The following PTCHD4 variants were observed in gnomAD, a reference collection of about 807,000 sequenced individuals.
PTCHD4 encodes patched domain-containing protein 4.
In PTCHD4, 33 loss-of-function variants were observed where a neutral mutation model predicts 58.1. That is an observed-to-expected ratio of 0.57 (90% CI 0.43 to 0.76). The LOEUF (loss-of-function observed/expected upper bound fraction) is 0.76, where lower values mean the gene tolerates loss of function less well. PTCHD4 is among the 30% of genes least tolerant of loss of function. The pLI is 0.00. For synonymous variants in PTCHD4, 478 were observed against 409.6 expected (o/e 1.17, Z -2.02); for missense variants, 1,058 against 1,027.1 (o/e 1.03, Z -0.41).
Position 47,999,632 on chromosome 6 carries a change from C to T in PTCHD4, c.898+9002G>A, listed in dbSNP as rs191637591. ...CGCTTTGGGAAATAGACGTGCACAA[C>T]GCAGAGGTCAGAAGAGCTATGTCTT... On this transcript the variant is annotated intron_variant, in intron 4 of 4. Coordinates refer to ENST00000339488, the MANE Select transcript of PTCHD4 (RefSeq NM_001384253.1). Among the ~76,000 whole-genome samples the T allele has an allele frequency of 3.9e-3, 592 of 152,248 alleles. 2 individuals are homozygous for T. Among genetic ancestry groups the T allele is most frequent in the Non-Finnish European group, 5.1e-3 (346 of 68,010 alleles).
Position 47,999,362 on chromosome 6 carries a change from A to G in PTCHD4, c.898+9272T>C, listed in dbSNP as rs930359101. The stretch of plus-strand genomic sequence containing the variant: ...TGACTGTCACCAAAGTAGCATGACT[A>G]CAACTGATATGGTTAAGAAATAGCT... On this transcript the variant is annotated intron_variant, in intron 4 of 4. Transcript: ENST00000339488. 5.9e-5 allele frequency among the ~76,000 whole-genome samples: 9 copies of G among 152,172 alleles called. 1 individual carries two copies. Among genetic ancestry groups the G allele is most frequent in the Non-Finnish European group, 1.0e-4 (7 of 68,036 alleles).
chr6:47,967,166 A>G (rs1290786941), intron 4 of PTCHD4, among the ~76,000 whole-genome samples: 2 of 152,230 alleles, frequency 1.3e-5, no homozygotes, highest in East Asian at 3.8e-4. Context: ...TGGGTTCAGA[A>G]TAGATATTGT....
chr6:47,882,676 A>T (rs1581821224), intron 4 of PTCHD4, among the ~76,000 whole-genome samples: 1 of 141,168 alleles, frequency 7.1e-6, no homozygotes, highest in South Asian at 2.2e-4. Context: ...AATTCTATTC[A>T]TTGGTCTGTT....
chr6:47,987,779 ATTTTT>A (rs111389891), intron 4 of PTCHD4, among the ~76,000 whole-genome samples: 1 of 142,654 alleles, frequency 7.0e-6, no homozygotes, highest in African/African-American at 2.6e-5. Context: ...GTCACATAAC[ATTTTT>A]TTTTTTTTTT....
At chr6:48,027,542 G>A (rs553633460) in intron 3 of PTCHD4, among the ~76,000 whole-genome samples, 4 of 152,148 alleles carry the variant, frequency 2.6e-5, no homozygotes, top group African/African-American at 9.6e-5. Flanking sequence ...TTGTTAACTT[G>A]CAACTTTAGA....
At chr6:48,044,254 T>C (rs116202237) in intron 3 of PTCHD4, among the ~76,000 whole-genome samples, 1,862 of 151,994 alleles carry the variant, frequency 0.012, 29 homozygotes, top group African/African-American at 0.041. Context: ...CATGAGGGTA[T>C]TCTGCTGTTA....
chr6:48,068,614 G>T lies in PTCHD4; in HGVS notation c.33C>A (p.Ile11=). 2 of 1,570,260 alleles carry T rather than the reference G, an allele frequency of 1.3e-6. No homozygotes were observed. The highest frequency in any genetic ancestry group is 2.3e-5 in the South Asian group (2 of 86,918). The part of the protein sequence containing the change: MRRPGAPASW[I]WWRMLRQVLR... ...GCACCTGCCGCAGCATCCTCCACCA[G>T]ATCCAGCTCGCAGGCGCTCCCGGCC... is the stretch of plus-strand genomic sequence containing the variant. The change falls in exon 3 of 5, where the codon ATC becomes ATA. Residue 11 remains isoleucine (I), a synonymous_variant. Coordinates refer to ENST00000339488, the MANE Select transcript of PTCHD4 (RefSeq NM_001384253.1). The surrounding 1 kb of genome is among the most constrained non-coding windows in gnomAD (Gnocchi z 4.2).
At chr6:48,007,883 C>T (rs541914754) in intron 4 of PTCHD4, among the ~76,000 whole-genome samples, 15 of 152,176 alleles carry the variant, frequency 9.9e-5, no homozygotes, top group East Asian at 1.9e-4. Context: ...TAAGCACTTA[C>T]GTGCCTTTAT....
intron 3 of PTCHD4, among the ~76,000 whole-genome samples, chr6:48,053,838 C>A (rs1764317312): frequency 6.6e-6 from 1 of 152,066 alleles, no homozygotes; most frequent in Non-Finnish European, 1.5e-5. Context: ...CCCATGGGGG[C>A]AACTTACCAG....
At chr6:47,945,862 C>T (rs535474365) in intron 4 of PTCHD4, among the ~76,000 whole-genome samples, 16 of 151,370 alleles carry the variant, frequency 1.1e-4, no homozygotes, top group African/African-American at 2.4e-4. Flanking sequence ...TTCTTAGTGA[C>T]CTTATATTTT....
At chr6:47,901,278 A>C (rs1764693054) in intron 4 of PTCHD4, 1 of 210,386 alleles carries the variant, frequency 4.8e-6, no homozygotes, top group Non-Finnish European at 8.2e-6. Context: ...TTTTACACTC[A>C]AGTTCATAAA....
chr6:48,042,655 G>A (rs1341360006), intron 3 of PTCHD4, among the ~76,000 whole-genome samples: 1 of 151,860 alleles, frequency 6.6e-6, no homozygotes, highest in Non-Finnish European at 1.5e-5. Flanking sequence ...TCAAGATGCT[G>A]TTTGCTTGAC....
intron 3 of PTCHD4, among the ~76,000 whole-genome samples, chr6:48,009,602 C>A (rs576659884): frequency 1.1e-4 from 16 of 152,292 alleles, no homozygotes; most frequent in African/African-American, 3.8e-4. Context: ...GATACAAGTA[C>A]ACACAAACAT....
At chr6:48,007,771 C>T (rs984107323) in intron 4 of PTCHD4, among the ~76,000 whole-genome samples, 3 of 152,204 alleles carry the variant, frequency 2.0e-5, no homozygotes, top group Admixed American at 1.3e-4. Context: ...AATCACTACA[C>T]ATAGGGAATT....
intron 3 of PTCHD4, among the ~76,000 whole-genome samples, chr6:48,033,901 C>A (rs767073597): frequency 7.2e-5 from 11 of 151,854 alleles, no homozygotes; most frequent in Non-Finnish European, 1.3e-4. Flanking sequence ...GTTGGGAGCA[C>A]CATTTTATGG....
At chr6:48,060,196 T>C (rs926482747) in intron 3 of PTCHD4, among the ~76,000 whole-genome samples, 2 of 152,202 alleles carry the variant, frequency 1.3e-5, no homozygotes, top group Non-Finnish European at 2.9e-5. Context: ...TTTTGAATCT[T>C]ACCCACACGA....
chr6:47,883,854 G>A (rs1375139590), intron 4 of PTCHD4, among the ~76,000 whole-genome samples: 1 of 152,078 alleles, frequency 6.6e-6, no homozygotes, highest in Admixed American at 6.5e-5. Flanking sequence ...GGCTTCAATT[G>A]AAAATTATTG....
intron 1 of PTCHD4, among the ~76,000 whole-genome samples, chr6:48,105,848 A>C (rs1765706901): frequency 1.3e-5 from 2 of 152,244 alleles, no homozygotes; most frequent in Non-Finnish European, 2.9e-5. Context: ...TAGAAAATCT[A>C]GAAGAAATGG....
chr6:48,086,940 T>C (rs927330867), intron 1 of PTCHD4, among the ~76,000 whole-genome samples: 9 of 152,180 alleles, frequency 5.9e-5, no homozygotes, highest in Admixed American at 2.6e-4. Context: ...ATAATGCCTT[T>C]AGTTACTATT....
Sources: gnomAD v4.1 joint callset for allele counts (sites outside exome capture counted in the v4.1 genomes callset) on GRCh38, gnomAD v4.1.1 for gene constraint, Gnocchi (gnomAD v3.1) non-coding constraint, MANE v1.5 for transcripts, NCBI Gene and HGNC (gene_info 2026-07-23, HGNC 2026-07-21) for gene names.